GRIPAP1: variants seen among roughly 807,000 people sequenced by gnomAD.
The protein encoded by GRIPAP1 is GRIP1 associated protein 1, also known as GRIP1-associated protein 1.
Under a neutral mutation model 84.1 loss-of-function variants are expected in GRIPAP1, and 14 were observed. That is an observed-to-expected ratio of 0.17 (90% confidence interval 0.11 to 0.26). The LOEUF is 0.26. Among genes scored for constraint, GRIPAP1 ranks in the 10% least tolerant of loss-of-function variants. The pLI is 1.00. For missense variants in GRIPAP1, 518 were observed against 674.2 expected (o/e 0.77, Z 2.57); for synonymous variants, 261 against 256.8 (o/e 1.02, Z -0.15).
intron 3 of GRIPAP1, chrX:48,998,838 G>C (rs2064561236): frequency 5.5e-6 from 1 of 180,660 alleles, no homozygotes; most frequent in Non-Finnish European, 1.0e-5. Flanking sequence ...CTCATCTTTA[G>C]AGGATCTGAG....
intron 11 of GRIPAP1, chrX:48,988,473 A>T (rs1285280040): frequency 1.5e-5 from 5 of 339,747 alleles, no homozygotes; most frequent in African/African-American, 1.3e-4. Context: ...CTCAGCTCCC[A>T]TCCATAAGAA....
chrX:48,981,771 G>A, intron 18 of GRIPAP1, 24 bp downstream of exon 18: 1 of 1,175,614 alleles, frequency 8.5e-7, no homozygotes, highest in Non-Finnish European at 1.2e-6. Flanking sequence ...TCTGGAGAGA[G>A]GAACACCATC....
intron 22 of GRIPAP1, chrX:48,976,810 T>C (rs1326554973): frequency 8.6e-6 from 1 of 115,882 alleles, no homozygotes; most frequent in Non-Finnish European, 1.8e-5. Flanking sequence ...ACATGTGCTC[T>C]GAATCTGAAT....
At position 48,985,470 on chromosome X, in the gene GRIPAP1, C is replaced by T. The variant is rs199626328; in HGVS notation, c.1042-68G>A. 1.6e-4 allele frequency: 150 copies of T among 957,639 alleles called. 1 individual carries two copies. The East Asian group carries it at 4.7e-3, about 30-fold the overall frequency. The allele number at this position is 957,639 out of a possible 1,213,427, so 78.9% of individuals were successfully genotyped here. ...CCAGGGGCCAGGGACAGGGTATGAG[C>T]CCCCTAGTTCCAGGGAAACAGGGAG... On this transcript the variant is annotated intron_variant, in intron 13 of 25. Transcript: ENST00000376423.
chrX:48,988,902 T>C (rs142496769), intron 11 of GRIPAP1, among the ~76,000 whole-genome samples: 1,666 of 110,430 alleles, frequency 0.015, 12 homozygotes, highest in African/African-American at 0.03. Context: ...TATCCTCCAT[T>C]CCAAGGGACC....
chrX:48,994,666 T>C (rs188972253), intron 5 of GRIPAP1, among the ~76,000 whole-genome samples: 1 of 112,197 alleles, frequency 8.9e-6, no homozygotes, highest in Non-Finnish European at 1.9e-5. Flanking sequence ...GTACTCTCTG[T>C]CACAGCACTG....
intron 6 of GRIPAP1, 192 bp from the exon 7 acceptor site, chrX:48,991,302 C>G: frequency 2.4e-6 from 1 of 423,972 alleles, no homozygotes; most frequent in Non-Finnish European, 4.1e-6. Flanking sequence ...TTTTTTGAGA[C>G]AGGGACTTGC....
At position 48,981,877 on chromosome X, in the gene GRIPAP1, A is replaced by G. The variant is rs1557062353; in HGVS notation, c.1600-5T>C. The G allele has an allele frequency of 1.7e-6, 2 of 1,147,088 alleles. No homozygotes were observed. Among genetic ancestry groups the G allele is most frequent in the Non-Finnish European group, 2.3e-6 (2 of 858,556 alleles). The allele number at this position is 1,147,088 out of a possible 1,213,427, so 94.5% of individuals were successfully genotyped here. On this transcript the variant is annotated splice_polypyrimidine_tract_variant and splice_region_variant and intron_variant, in intron 17 of 25. Transcript: ENST00000376423. The stretch of plus-strand genomic sequence containing the variant: ...CTGCTGCTGCTGCAGGGATTCCTAC[A>G]AGACAAGTCCCAGGTCTGGCCACAG...
At chrX:48,976,624 A>G (rs1019520870) in intron 22 of GRIPAP1, among the ~76,000 whole-genome samples, 1 of 111,694 alleles carries the variant, frequency 9.0e-6, no homozygotes, top group African/African-American at 3.3e-5. Flanking sequence ...CTTTCAGCTG[A>G]CAGGAAAACT....
chrX:48,989,919 C>T (rs782804734), intron 9 of GRIPAP1, 37 bp from the exon 10 acceptor site: 14 of 1,202,367 alleles, frequency 1.2e-5, no homozygotes, highest in Non-Finnish European at 1.6e-5. Flanking sequence ...GGGTCAGTTC[C>T]GTAAGTTAAT....
intron 15 of GRIPAP1, 148 bp downstream of exon 15, chrX:48,983,627 T>A: frequency 1.8e-6 from 1 of 546,005 alleles, no homozygotes; most frequent in Admixed American, 2.8e-5. Flanking sequence ...TCTCATGGAT[T>A]TGGCCAAGAA....
At chrX:48,978,466 C>T in intron 21 of GRIPAP1, 31 bp from the exon 22 acceptor site, 1 of 1,155,720 alleles carries the variant, frequency 8.7e-7, no homozygotes, top group East Asian at 3.1e-5. Flanking sequence ...AAACTTGAGC[C>T]CCAATACCCC....
At position 48,981,237 on chromosome X, in the gene GRIPAP1, G is replaced by T; in HGVS notation, c.1908C>A (p.Leu636=). ...DKLQERLQDI[L]TNSKSRSGLE... Reference sequence around the variant, plus strand: ...CACCTGAGCGGCTCTTGCTGTTAGTGAGGATGTCCTGCAGTCGCTCCTGCA... The same window carrying T: ...CACCTGAGCGGCTCTTGCTGTTAGTTAGGATGTCCTGCAGTCGCTCCTGCA... The change falls in exon 21 of 26, where the codon CTC becomes CTA. Residue 636 remains leucine, a synonymous_variant. Coordinates refer to ENST00000376423, the MANE Select transcript of GRIPAP1 (RefSeq NM_020137.5). 8.3e-7 allele frequency: 1 copy of T among 1,209,493 alleles called. No individual in the cohort carries two copies. The highest frequency in any genetic ancestry group is 1.8e-5 in the South Asian group (1 of 56,649).
In GRIPAP1 at chrX:48,989,702, A is replaced by G; in HGVS notation, c.779T>C (p.Ile260Thr). ...ETLFNDSRNK[I>T]EELQQRKEAD... ...TTCCTTCCGTTGTTGTAATTCCTCAATCTTGTTCCTAGGAGTGATGGGGAG... is the reference window on the plus strand; with the variant it reads ...TTCCTTCCGTTGTTGTAATTCCTCAGTCTTGTTCCTAGGAGTGATGGGGAG... The change falls in exon 11 of 26, where the codon ATT becomes ACT. Residue 260 changes from isoleucine (I) to threonine (T), a missense_variant. Coordinates refer to ENST00000376423, the MANE Select transcript of GRIPAP1 (RefSeq NM_020137.5). 1 of 1,193,916 alleles carries G rather than the reference A, an allele frequency of 8.4e-7. No homozygotes were observed. Among genetic ancestry groups the G allele is most frequent in the Non-Finnish European group, 1.1e-6 (1 of 879,400 alleles).
At chrX:48,987,750 A>G in intron 13 of GRIPAP1, 35 bp downstream of exon 13, 2 of 869,643 alleles carry the variant, frequency 2.3e-6, no homozygotes, top group Non-Finnish European at 3.4e-6. Flanking sequence ...GGGGAACTGG[A>G]GAGGGATCAG....
intron 6 of GRIPAP1, among the ~76,000 whole-genome samples, chrX:48,992,795 C>G (rs915397465): frequency 1.8e-5 from 2 of 111,711 alleles, no homozygotes; most frequent in African/African-American, 6.5e-5. Context: ...CTTCCCAACA[C>G]TCCATTCACT....
chrX:48,991,649 C>T (rs1392161941), intron 6 of GRIPAP1, among the ~76,000 whole-genome samples: 4 of 112,188 alleles, frequency 3.6e-5, no homozygotes, highest in Non-Finnish European at 7.5e-5. Flanking sequence ...ACCAGCCTGA[C>T]CAATATGGTG....
intron 25 of GRIPAP1, among the ~76,000 whole-genome samples, chrX:48,974,889 T>C (rs1210697935): frequency 9.0e-6 from 1 of 110,868 alleles, no homozygotes; most frequent in Non-Finnish European, 1.9e-5. Flanking sequence ...AAGTAGTAGA[T>C]TGGGTAGATG....
In GRIPAP1 at chrX:48,990,992, C is replaced by T; in HGVS notation, c.576G>A (p.Val192=). Residue 192 remains valine, a synonymous_variant, in exon 7 of 26, where the codon GTG becomes GTA. Transcript: ENST00000376423. ...CTTTCTCCATTTCCCATTTCAGCTC[C>T]ACCTCTGCCAACGGCATGGGGGCCA... ...TVLAPMPLAE[V]ELKWEMEKEE... 1 of 1,185,537 alleles carries T rather than the reference C, an allele frequency of 8.4e-7. No homozygotes were observed. Among genetic ancestry groups the T allele is most frequent in the Non-Finnish European group, 1.1e-6 (1 of 882,530 alleles).
Sources: gnomAD v4.1 joint callset for allele counts (sites outside exome capture counted in the v4.1 genomes callset) on GRCh38, gnomAD v4.1.1 for gene constraint, MANE v1.5 for transcripts, NCBI Gene and HGNC (gene_info 2026-07-23, HGNC 2026-07-21) for gene names.